The following PHACTR1 variants were observed in gnomAD, a reference collection of about 807,000 sequenced individuals.
The protein encoded by PHACTR1 is RPEL repeat containing 1.
In PHACTR1, 16 loss-of-function variants were observed where a neutral mutation model predicts 69.2. The observed-to-expected ratio is 0.23, with a 90% confidence interval of 0.16 to 0.35. PHACTR1 has a LOEUF of 0.35. PHACTR1 is among the 10% of genes least tolerant of loss of function. The pLI is 1.00. For missense variants in PHACTR1, 510 were observed against 734.7 expected (o/e 0.69, Z 3.54); for synonymous variants, 312 against 284.5 (o/e 1.10, Z -0.97).
At chr6:12,867,462 C>A (rs970649129) in intron 4 of PHACTR1, among the ~76,000 whole-genome samples, 1 of 152,176 alleles carries the variant, frequency 6.6e-6, no homozygotes, top group Non-Finnish European at 1.5e-5. Flanking sequence ...TTATTAGTAA[C>A]CATAATGAAT....
chr6:13,095,241 A>G (rs1206069883), intron 5 of PHACTR1, among the ~76,000 whole-genome samples: 1 of 152,208 alleles, frequency 6.6e-6, no homozygotes, highest in Non-Finnish European at 1.5e-5. Flanking sequence ...GCTATTTCCA[A>G]TGTCACTCCT....
intron 4 of PHACTR1, chr6:12,933,581 T>C: frequency 6.3e-7 from 1 of 1,597,422 alleles, no homozygotes; most frequent in Non-Finnish European, 8.5e-7. Context: ...TATCTCTTTG[T>C]TATCTGACCT....
intron 10 of PHACTR1, among the ~76,000 whole-genome samples, chr6:13,258,428 C>T (rs1011939599): frequency 2.6e-5 from 4 of 151,762 alleles, no homozygotes; most frequent in South Asian, 2.1e-4. Context: ...AAGAATGTGG[C>T]CCAGGTTTAA....
chr6:13,073,297 A>G (rs1809838488), intron 5 of PHACTR1, among the ~76,000 whole-genome samples: 1 of 148,148 alleles, frequency 6.8e-6, no homozygotes, highest in South Asian at 2.1e-4. Flanking sequence ...GAATTATATG[A>G]AAATTGGAAT....
rs529825560 is a variant in PHACTR1 at position 13,260,215 on chromosome 6, G to T, written c.1392-12645G>T. Among the ~76,000 whole-genome samples, 33 of 152,290 alleles carry T rather than the reference G, an allele frequency of 2.2e-4. No homozygotes were observed. The South Asian group carries it at 6.6e-3, about 31-fold the overall frequency. On this transcript the variant is annotated intron_variant, in intron 10 of 14. Transcript: ENST00000332995. Reference sequence around the variant, plus strand: ...ACTGAGAAGATCTTCATGTACGCAGGTATCACCAATGTAATGGATAAGGCC... The same window carrying T: ...ACTGAGAAGATCTTCATGTACGCAGTTATCACCAATGTAATGGATAAGGCC...
chr6:13,190,213 T>TTTTTTTTTTTTTTTTTG, intron 7 of PHACTR1, among the ~76,000 whole-genome samples: 1 of 146,090 alleles, frequency 6.8e-6, no homozygotes, highest in Non-Finnish European at 1.5e-5. Context: ...TTTTTTTTTT[T>TTTTTTTTTTTTTTTTTG]TAGTAGAGGT....
chr6:12,868,217 A>C (rs899661919), intron 4 of PHACTR1, among the ~76,000 whole-genome samples: 52 of 150,042 alleles, frequency 3.5e-4, no homozygotes, highest in African/African-American at 1.2e-3. Flanking sequence ...AGATCGCGCC[A>C]CTGCACTCCA....
chr6:12,736,785 T>C (rs9357474), intron 3 of PHACTR1, among the ~76,000 whole-genome samples: 1 of 152,162 alleles, frequency 6.6e-6, no homozygotes, highest in East Asian at 1.9e-4. Flanking sequence ...TCTTCTCAGA[T>C]TCACCTATTA....
At chr6:13,136,017 G>T (rs2327635) in intron 5 of PHACTR1, among the ~76,000 whole-genome samples, 6 of 151,858 alleles carry the variant, frequency 4.0e-5, no homozygotes, top group Non-Finnish European at 7.4e-5. Context: ...AGATATTTTT[G>T]TCTGCACATG....
chr6:13,019,352 T>G (rs1285610284), intron 4 of PHACTR1, among the ~76,000 whole-genome samples: 1 of 151,972 alleles, frequency 6.6e-6, no homozygotes, highest in Non-Finnish European at 1.5e-5. Flanking sequence ...TTTGAGTGAG[T>G]TTTTACGATG....
intron 13 of PHACTR1, 134 bp from the exon 14 acceptor site, chr6:13,286,008 TCCTC>T: frequency 1.5e-6 from 1 of 682,656 alleles, no homozygotes; most frequent in East Asian, 3.1e-5. Flanking sequence ...TGATTTTTCT[TCCTC>T]CCAATGAAAG....
chr6:12,988,688 T>TG lies in PHACTR1; in HGVS notation c.251-64675dup, dbSNP rs576773609. 5.9e-4 allele frequency among the ~76,000 whole-genome samples: 90 copies of TG among 152,298 alleles called. 1 individual carries two copies. Among genetic ancestry groups the TG allele is most frequent in the African/African-American group, 2.0e-3 (85 of 41,556 alleles). On this transcript the variant is annotated intron_variant, in intron 4 of 14. Coordinates refer to ENST00000332995, the MANE Select transcript of PHACTR1 (RefSeq NM_030948.6). Reference sequence around the variant, plus strand: ...TTAAGCAATTTGACCAGCATCATGGTGGTGAATAGATAGTGGGAAAAACAC... The same window carrying TG: ...TTAAGCAATTTGACCAGCATCATGGTGGGTGAATAGATAGTGGGAAAAACAC...
chr6:13,232,543 A>T (rs1771378090), intron 10 of PHACTR1, among the ~76,000 whole-genome samples: 1 of 152,180 alleles, frequency 6.6e-6, no homozygotes, highest in Non-Finnish European at 1.5e-5. Flanking sequence ...CTCTCTAGAG[A>T]GCCTGTCCCA....
intron 5 of PHACTR1, among the ~76,000 whole-genome samples, chr6:13,057,003 G>A (rs1387224694): frequency 1.3e-5 from 2 of 152,124 alleles, no homozygotes. Context: ...GTTCAGTGTG[G>A]GGGAAGGGAG....
intron 3 of PHACTR1, among the ~76,000 whole-genome samples, chr6:12,730,682 C>A (rs1327793061): frequency 6.6e-6 from 1 of 152,156 alleles, no homozygotes; most frequent in East Asian, 1.9e-4. Context: ...GTTTGTTGTA[C>A]AGATTATTTC....
At chr6:12,836,246 C>G (rs1234803715) in intron 4 of PHACTR1, among the ~76,000 whole-genome samples, 2 of 152,140 alleles carry the variant, frequency 1.3e-5, no homozygotes, top group African/African-American at 2.4e-5. Context: ...TGCTGTCTCC[C>G]TCTTCTCTCT....
At chr6:13,226,248 C>T (rs1769666792) in intron 8 of PHACTR1, among the ~76,000 whole-genome samples, 1 of 151,904 alleles carries the variant, frequency 6.6e-6, no homozygotes, top group Non-Finnish European at 1.5e-5. Context: ...GTGAAAAATA[C>T]AAAGAGAAAA....
intron 8 of PHACTR1, among the ~76,000 whole-genome samples, chr6:13,213,502 T>C (rs1185094459): frequency 1.3e-5 from 2 of 152,228 alleles, no homozygotes; most frequent in Admixed American, 6.5e-5. Context: ...ATATTCTCTC[T>C]TTAATGTGGA....
At chr6:12,825,600 G>A (rs1382974162) in intron 4 of PHACTR1, among the ~76,000 whole-genome samples, 1 of 152,142 alleles carries the variant, frequency 6.6e-6, no homozygotes, top group Non-Finnish European at 1.5e-5. Context: ...TTTATGTTTG[G>A]ATTGTGGAAG....
Sources: allele counts gnomAD v4.1 joint callset (sites outside exome capture counted in the v4.1 genomes callset), GRCh38; gene constraint gnomAD v4.1.1; transcripts MANE v1.5; gene names NCBI Gene and HGNC (gene_info 2026-07-23, HGNC 2026-07-21).